Variants in LPP observed in about 807,000 individuals in gnomAD.
LPP encodes LIM domain containing preferred translocation partner in lipoma.
A neutral mutation model predicts 60.4 loss-of-function variants in LPP; 38 were observed. That is an observed-to-expected ratio of 0.63 (90% confidence interval 0.49 to 0.83). The LOEUF (loss-of-function observed/expected upper bound fraction) is 0.83. Among genes scored for constraint, LPP ranks in the 40% least tolerant of loss-of-function variants. The pLI is 0.00. For missense variants in LPP, 902 were observed against 783.6 expected, an observed-to-expected ratio of 1.15 and a Z score of -1.80; for synonymous variants, 328 against 290.8, an observed-to-expected ratio of 1.13 and a Z score of -1.30.
chr3:188,715,195 T>G (rs996972895), intron 8 of LPP, among the ~76,000 whole-genome samples: 7 of 151,804 alleles, frequency 4.6e-5, no homozygotes, highest in Non-Finnish European at 8.8e-5. Flanking sequence ...CTGGCCAACA[T>G]GGTGAAACCC....
intron 8 of LPP, among the ~76,000 whole-genome samples, chr3:188,740,532 A>C (rs1724049431): frequency 6.6e-6 from 1 of 152,062 alleles, no homozygotes; most frequent in African/African-American, 2.4e-5. Flanking sequence ...AGTGAAGAAC[A>C]TTCTTTTATA....
chr3:188,183,992 TA>T (rs1409963655), intron 1 of LPP, among the ~76,000 whole-genome samples: 1 of 152,154 alleles, frequency 6.6e-6, no homozygotes, highest in Non-Finnish European at 1.5e-5. Context: ...GAGTGGACTG[TA>T]TCAATTGGTA....
intron 9 of LPP, among the ~76,000 whole-genome samples, chr3:188,774,240 C>T (rs1215527183): frequency 6.6e-6 from 1 of 152,056 alleles, no homozygotes; most frequent in Non-Finnish European, 1.5e-5. Flanking sequence ...AGTTTGGTTA[C>T]ACCTGTTTTG....
At chr3:188,644,360 T>C (rs1032294634) in intron 7 of LPP, among the ~76,000 whole-genome samples, 3 of 152,180 alleles carry the variant, frequency 2.0e-5, no homozygotes, top group African/African-American at 4.8e-5. Context: ...TTCCATCTTA[T>C]GGAGAAGCTT....
chr3:188,657,184 T>C (rs1030229961), intron 7 of LPP, among the ~76,000 whole-genome samples: 2 of 147,508 alleles, frequency 1.4e-5, no homozygotes, highest in African/African-American at 2.5e-5. Context: ...ATTATTTTTT[T>C]CCTCTTTCCC....
chr3:188,373,907 A>G (rs1346081012), intron 3 of LPP, among the ~76,000 whole-genome samples: 1,838 of 151,914 alleles, frequency 0.012, 33 homozygotes, highest in African/African-American at 0.04. Context: ...AAGGGATCCA[A>G]TTTCAGCTTT....
intron 1 of LPP, among the ~76,000 whole-genome samples, chr3:188,223,402 C>T (rs966726640): frequency 3.3e-5 from 5 of 152,252 alleles, no homozygotes; most frequent in South Asian, 2.1e-4. Flanking sequence ...AAACTTACCA[C>T]GAAATTGAGA....
intron 9 of LPP, among the ~76,000 whole-genome samples, chr3:188,782,158 TA>T (rs1402201794): frequency 2.0e-5 from 3 of 152,206 alleles, no homozygotes; most frequent in African/African-American, 7.2e-5. Context: ...AATAATGTTG[TA>T]ATACCAGTTA....
chr3:188,172,425 A>G (rs1721846206), intron 1 of LPP, among the ~76,000 whole-genome samples: 1 of 152,254 alleles, frequency 6.6e-6, no homozygotes, highest in African/African-American at 2.4e-5. Context: ...TAATACATAT[A>G]AAGCCCTTAG....
chr3:188,704,470 A>G (rs1157384104), intron 7 of LPP, among the ~76,000 whole-genome samples: 1 of 152,178 alleles, frequency 6.6e-6, no homozygotes, highest in Non-Finnish European at 1.5e-5. Flanking sequence ...GGTCATAGTC[A>G]AATCTCTGTC....
intron 7 of LPP, among the ~76,000 whole-genome samples, chr3:188,705,225 C>T (rs1475135723): frequency 3.3e-5 from 5 of 152,192 alleles, no homozygotes. Context: ...ATTTCCGTAC[C>T]TGGTCTTTAT....
intron 4 of LPP, among the ~76,000 whole-genome samples, chr3:188,466,401 C>A (rs1800386024): frequency 6.6e-6 from 1 of 151,938 alleles, no homozygotes; most frequent in South Asian, 2.1e-4. Context: ...CATTAATTGA[C>A]CCTTGCATTT....
intron 7 of LPP, among the ~76,000 whole-genome samples, chr3:188,627,761 G>T (rs1462686601): frequency 1.3e-5 from 2 of 152,052 alleles, no homozygotes; most frequent in African/African-American, 4.8e-5. Flanking sequence ...TTGACCAAAT[G>T]GACCTATGAG....
chr3:188,830,818 G>A (rs1048085278), intron 9 of LPP, among the ~76,000 whole-genome samples: 3 of 152,102 alleles, frequency 2.0e-5, no homozygotes, highest in African/African-American at 7.2e-5. Flanking sequence ...ATTATGGGCC[G>A]AGTTTATTGG....
intron 7 of LPP, chr3:188,688,701 A>C: frequency 2.3e-6 from 1 of 432,168 alleles, no homozygotes. Flanking sequence ...TGGCTTGTCT[A>C]TTCAGCAAGC....
At chr3:188,297,945 C>T (rs1237827217) in intron 2 of LPP, among the ~76,000 whole-genome samples, 5 of 152,160 alleles carry the variant, frequency 3.3e-5, no homozygotes, top group Non-Finnish European at 5.9e-5. Context: ...GAGCCTATGA[C>T]AAATTTTCTC....
chr3:188,723,450 T>C (rs1345908656), intron 8 of LPP, among the ~76,000 whole-genome samples: 1 of 152,128 alleles, frequency 6.6e-6, no homozygotes, highest in Non-Finnish European at 1.5e-5. Flanking sequence ...CATTCAGAAA[T>C]GTACCTGTGA....
intron 2 of LPP, among the ~76,000 whole-genome samples, chr3:188,227,897 G>A (rs973684191): frequency 6.6e-6 from 1 of 152,188 alleles, no homozygotes; most frequent in Non-Finnish European, 1.5e-5. Flanking sequence ...CTATTCTCCT[G>A]AAACTGAATT....
chr3:188,295,754 G>A (rs979820609), intron 2 of LPP, among the ~76,000 whole-genome samples: 10 of 152,114 alleles, frequency 6.6e-5, no homozygotes, highest in Non-Finnish European at 1.3e-4. Context: ...GCTTGGTGTT[G>A]AACTCCTGAG....
Sources: gnomAD v4.1 joint callset for allele counts (sites outside exome capture counted in the v4.1 genomes callset) on GRCh38, gnomAD v4.1.1 for gene constraint, MANE v1.5 for transcripts, NCBI Gene and HGNC (gene_info 2026-07-23, HGNC 2026-07-21) for gene names.